VKORC1L1: variants seen among roughly 807,000 people sequenced by gnomAD.
VKORC1L1 encodes vitamin K epoxide reductase complex subunit 1-like protein 1.
In VKORC1L1, 2 loss-of-function variants were observed where a neutral mutation model predicts 18.9. The ratio of observed to expected loss-of-function variants is 0.11; its 90% CI spans 0.04 to 0.33. VKORC1L1 has a LOEUF of 0.33. VKORC1L1 is among the 10% of genes least tolerant of loss of function. The pLI is 1.00. For missense variants in VKORC1L1, 123 were observed against 224.1 expected, an observed-to-expected ratio of 0.55 and a Z score of 2.88; for synonymous variants, 96 against 100.0, an observed-to-expected ratio of 0.96 and a Z score of 0.24.
At chr7:65,872,100 C>T (rs954991665), upstream of VKORC1L1, among the ~76,000 whole-genome samples, 1 of 152,144 alleles carries the variant, frequency 6.6e-6, no homozygotes, top group African/African-American at 2.4e-5. Flanking sequence ...TAGTTTTGGC[C>T]ACCAGGAAGC....
rs778678520 is a variant in VKORC1L1 at position 65,954,294 on chromosome 7, G to A, written c.525G>A (p.Gln175=). The A allele has an allele frequency of 3.7e-6, 6 of 1,613,892 alleles. No homozygotes were observed. The highest frequency in any genetic ancestry group is 1.3e-5 in the African/African-American group (1 of 74,866). ...GGAAGCGGCAGCTGCAACCCAAGCA[G>A]GACTGACGCCCGACAGACTCCACCC... ...EAWKRQLQPK[Q]D The change falls in exon 3 of 3, where the codon CAG becomes CAA. Residue 175 remains glutamine (Q), a synonymous_variant. Coordinates refer to ENST00000360768, the MANE Select transcript of VKORC1L1 (RefSeq NM_173517.6).
rs188374339 is a variant in VKORC1L1, at chr7:65,905,075, A to G, written c.194+31510A>G. On this transcript the variant is annotated intron_variant, in intron 1 of 2. Coordinates refer to ENST00000360768, the MANE Select transcript of VKORC1L1 (RefSeq NM_173517.6). ...TACACCTACATACATACACACACAT[A>G]TGCATACAAATGCAGGTGTATACAC... 4.3e-3 allele frequency among the ~76,000 whole-genome samples: 655 copies of G among 152,304 alleles called. 7 individuals carry two copies. The highest frequency in any genetic ancestry group is 0.015 in the African/African-American group (624 of 41,556).
chr7:65,876,570 ACT>A (rs1372792316), intron 1 of VKORC1L1, among the ~76,000 whole-genome samples: 1 of 150,776 alleles, frequency 6.6e-6, no homozygotes, highest in Non-Finnish European at 1.5e-5. Context: ...ATCGGTGAAA[ACT>A]CTGCTGCAAA....
rs1024601208 is a variant in VKORC1L1 at position 65,956,059 on chromosome 7, C to T, written c.*1759C>T. On this transcript the variant is annotated 3_prime_UTR_variant, in exon 3 of 3. Transcript: ENST00000360768. Reference sequence around the variant, plus strand: ...AAGAGAGCTTAAGTCAAGATTTCATCAAGACTTGTGTTTTCCCATGAATGT... The same window carrying T: ...AAGAGAGCTTAAGTCAAGATTTCATTAAGACTTGTGTTTTCCCATGAATGT... 2 of 152,212 alleles carry T rather than the reference C, an allele frequency of 1.3e-5. No homozygotes were observed. The highest frequency in any genetic ancestry group is 4.8e-5 in the African/African-American group (2 of 41,452). 9.4% of individuals were successfully genotyped at this position (152,212 alleles called of 1,614,324 possible). A position where few individuals can be genotyped will look rare whatever the true frequency, so the allele number is the denominator to read the frequency against.
At chr7:65,874,256 G>T (rs1460055282) in intron 1 of VKORC1L1, among the ~76,000 whole-genome samples, 1 of 152,074 alleles carries the variant, frequency 6.6e-6, no homozygotes, top group Non-Finnish European at 1.5e-5. Context: ...GTTTCAGTGT[G>T]CCAGGAGAAG....
intron 1 of VKORC1L1, among the ~76,000 whole-genome samples, chr7:65,876,474 C>T (rs181960205): frequency 3.3e-5 from 5 of 151,666 alleles, no homozygotes; most frequent in African/African-American, 1.2e-4. Flanking sequence ...TGCACTCCAG[C>T]CTGTGTGACA....
chr7:65,950,102 T>C (rs1008129309), intron 2 of VKORC1L1, among the ~76,000 whole-genome samples: 4 of 152,204 alleles, frequency 2.6e-5, no homozygotes, highest in African/African-American at 9.6e-5. Context: ...TTTTTTTAAT[T>C]GTAACGATAA....
At chr7:65,883,562 G>T (rs1788963596) in intron 1 of VKORC1L1, among the ~76,000 whole-genome samples, 1 of 151,736 alleles carries the variant, frequency 6.6e-6, no homozygotes, top group Non-Finnish European at 1.5e-5. Context: ...TGCAGTGGCG[G>T]GTTCTCGGCT....
intron 1 of VKORC1L1, among the ~76,000 whole-genome samples, chr7:65,882,975 A>G (rs73142138): frequency 0.32 from 48,708 of 152,000 alleles, 8,850 homozygotes; most frequent in East Asian, 0.47. Flanking sequence ...TTGGCAAAAC[A>G]TGCTTTATCA....
intron 1 of VKORC1L1, among the ~76,000 whole-genome samples, chr7:65,874,227 C>T (rs1279096539): frequency 6.6e-6 from 1 of 152,090 alleles, no homozygotes; most frequent in Non-Finnish European, 1.5e-5. Context: ...TATCTGATTT[C>T]TTGGATTCCC....
chr7:65,881,413 G>C (rs1393246181), intron 1 of VKORC1L1, among the ~76,000 whole-genome samples: 1 of 152,204 alleles, frequency 6.6e-6, no homozygotes, highest in African/African-American at 2.4e-5. Flanking sequence ...CATACTGTAT[G>C]ATTGCATTTA....
chr7:65,872,480 T>C (rs1451660150), upstream of VKORC1L1, among the ~76,000 whole-genome samples: 1 of 151,818 alleles, frequency 6.6e-6, no homozygotes, highest in East Asian at 1.9e-4. Context: ...ACCGGGCTAA[T>C]TTGTTTTTGT....
intron 1 of VKORC1L1, among the ~76,000 whole-genome samples, chr7:65,874,849 C>G (rs913545083): frequency 6.6e-6 from 1 of 151,996 alleles, no homozygotes; most frequent in Non-Finnish European, 1.5e-5. Flanking sequence ...TAAAAATTGA[C>G]TTGTCTTTAA....
intron 1 of VKORC1L1, among the ~76,000 whole-genome samples, chr7:65,889,890 C>T (rs1470658163): frequency 6.6e-6 from 1 of 152,164 alleles, no homozygotes; most frequent in Admixed American, 6.6e-5. Flanking sequence ...GTAGTTTGTG[C>T]ATTAGTCATT....
chr7:65,913,130 G>C (rs1427663496), intron 1 of VKORC1L1, among the ~76,000 whole-genome samples: 1 of 152,154 alleles, frequency 6.6e-6, no homozygotes, highest in East Asian at 1.9e-4. Context: ...CCACAGATCT[G>C]AAATGTGTAT....
chr7:65,935,186 G>A (rs908164438), intron 1 of VKORC1L1, among the ~76,000 whole-genome samples: 1 of 152,110 alleles, frequency 6.6e-6, no homozygotes, highest in African/African-American at 2.4e-5. Context: ...TCTGCTGGTA[G>A]TAAGTTCTCT....
upstream of VKORC1L1, among the ~76,000 whole-genome samples, chr7:65,868,939 G>A (rs1349795689): frequency 6.6e-6 from 1 of 151,962 alleles, no homozygotes; most frequent in East Asian, 1.9e-4. Context: ...CACAATATTT[G>A]CCCCTGGTCC....
At chr7:65,949,155 A>G (rs1790171224) in intron 2 of VKORC1L1, among the ~76,000 whole-genome samples, 1 of 152,122 alleles carries the variant, frequency 6.6e-6, no homozygotes, top group South Asian at 2.1e-4. Context: ...ACCTTTACAT[A>G]TCCACTATTT....
At chr7:65,871,301 T>G (rs1220948340), upstream of VKORC1L1, among the ~76,000 whole-genome samples, 1 of 152,206 alleles carries the variant, frequency 6.6e-6, no homozygotes, top group African/African-American at 2.4e-5. Flanking sequence ...GTTCAAGTGA[T>G]TCTCATGCCT....
Sources: gnomAD v4.1 joint callset for allele counts (sites outside exome capture counted in the v4.1 genomes callset) on GRCh38, gnomAD v4.1.1 for gene constraint, MANE v1.5 for transcripts, NCBI Gene and HGNC (gene_info 2026-07-23, HGNC 2026-07-21) for gene names.